ZNF529: variants seen among roughly 807,000 people sequenced by gnomAD.
The protein encoded by ZNF529 is zinc finger protein 529.
ZNF529 carries 11 observed loss-of-function variants against 10.1 expected under a neutral mutation model. The ratio of observed to expected loss-of-function variants is 1.09; its 90% CI spans 0.69 to 1.81. The LOEUF (loss-of-function observed/expected upper bound fraction) is 1.81. Ranked by LOEUF, ZNF529 falls within the 40% of genes most tolerant of loss-of-function variation. The pLI, the probability that ZNF529 is intolerant of heterozygous loss-of-function variation, is 0.00. For synonymous variants in ZNF529, 204 were observed against 215.7 expected, an observed-to-expected ratio of 0.95 and a Z score of 0.47; for missense variants, 624 against 666.8, an observed-to-expected ratio of 0.94 and a Z score of 0.71.
chr19:36,585,795 C>T (rs1480334099), intron 2 of ZNF529, among the ~76,000 whole-genome samples: 1 of 152,202 alleles, frequency 6.6e-6, no homozygotes, highest in Middle Eastern at 3.2e-3. Flanking sequence ...TGAGGGGACT[C>T]TGGTTTCTGG....
upstream of ZNF529, chr19:36,573,360 A>C: frequency 2.2e-6 from 1 of 448,734 alleles, no homozygotes; most frequent in South Asian, 1.6e-5. Flanking sequence ...AACGTAGTCC[A>C]ACAACGAAAG....
intron 2 of ZNF529, among the ~76,000 whole-genome samples, chr19:36,579,200 A>T (rs1438430410): frequency 2.3e-5 from 3 of 132,390 alleles, no homozygotes; most frequent in Non-Finnish European, 4.6e-5. Flanking sequence ...GACTCCGTCT[A>T]AAAAAAAAAA....
At chr19:36,556,259 A>AT in intron 2 of ZNF529, 62 bp from the exon 3 acceptor site, 1 of 722,200 alleles carries the variant, frequency 1.4e-6, no homozygotes, top group South Asian at 1.5e-5. Context: ...GGTGCTAGGA[A>AT]TGTACAGCAA....
intron 2 of ZNF529, among the ~76,000 whole-genome samples, chr19:36,571,482 C>T (rs1342023781): frequency 6.6e-6 from 1 of 151,768 alleles, no homozygotes; most frequent in Non-Finnish European, 1.5e-5. Flanking sequence ...CGATACCAGC[C>T]CAGCCAACAT....
intron 2 of ZNF529, among the ~76,000 whole-genome samples, chr19:36,579,532 C>T (rs1047514899): frequency 6.6e-6 from 1 of 152,196 alleles, no homozygotes; most frequent in Non-Finnish European, 1.5e-5. Context: ...TATGGTATAG[C>T]CTATTGCTCC....
Position 36,546,210 on chromosome 19 carries a change from ATG to A in ZNF529, c.*654_*655del, listed in dbSNP as rs2035013566. On this transcript the variant is annotated 3_prime_UTR_variant, in exon 5 of 5. Transcript: ENST00000591340. ...ATCACACATACACTATATACACTAT[ATG>A]TGTATATACACTATATGTATATAGT... 1 of 140,982 alleles carries A rather than the reference ATG, an allele frequency of 7.1e-6. No individual in the cohort carries two copies. Among genetic ancestry groups the A allele is most frequent in the Non-Finnish European group, 1.5e-5 (1 of 65,382 alleles). 8.7% of individuals were successfully genotyped at this position (140,982 alleles called of 1,614,324 possible).
intron 1 of ZNF529, among the ~76,000 whole-genome samples, chr19:36,601,340 G>A (rs1233814587): frequency 3.3e-5 from 5 of 151,884 alleles, no homozygotes; most frequent in Admixed American, 6.6e-5. Flanking sequence ...TCCTGACCTC[G>A]TGATCCGCCT....
Position 36,547,100 on chromosome 19 carries a change from G to A in ZNF529, c.1458C>T (p.Ala486=), listed in dbSNP as rs759955182. ...CTGTAAGGGCTGAACTATGTCTAAA[G>A]GCCTTCCCACATACCTTACATTCAT... ...KPYECKVCGK[A]FRHSSALTEH... Residue 486 remains alanine, a synonymous_variant, in exon 5 of 5, where the codon GCC becomes GCT. Transcript: ENST00000591340. 1 of 1,613,572 alleles carries A rather than the reference G, an allele frequency of 6.2e-7. No homozygotes were observed.
chr19:36,585,244 C>G (rs2036555941), intron 2 of ZNF529, among the ~76,000 whole-genome samples: 1 of 152,188 alleles, frequency 6.6e-6, no homozygotes, highest in Admixed American at 6.5e-5. Context: ...CCCGTTACTA[C>G]CAGTTTAAAG....
intron 2 of ZNF529, among the ~76,000 whole-genome samples, chr19:36,563,804 G>A (rs1356701284): frequency 1.3e-5 from 2 of 152,134 alleles, no homozygotes; most frequent in African/African-American, 4.8e-5. Context: ...CCAAAAAAGG[G>A]TCTGAATAGC....
chr19:36,585,011 A>C (rs1221545043), intron 2 of ZNF529, among the ~76,000 whole-genome samples: 3 of 152,142 alleles, frequency 2.0e-5, no homozygotes, highest in Non-Finnish European at 2.9e-5. Flanking sequence ...GATTAAACAG[A>C]AAGTGGGGAA....
intron 2 of ZNF529, among the ~76,000 whole-genome samples, chr19:36,563,255 A>G (rs1276025347): frequency 6.6e-6 from 1 of 151,966 alleles, no homozygotes. Flanking sequence ...CCCTGTCTAT[A>G]CTAAAAATAC....
At chr19:36,605,505 T>C (rs1375531152), upstream of ZNF529, 2 of 152,394 alleles carry the variant, frequency 1.3e-5, no homozygotes, top group East Asian at 3.9e-4. Context: ...GACCGCGGTA[T>C]CCAGACGCTC....
In ZNF529 at chr19:36,548,206, T is replaced by C. The variant is rs374497350; in HGVS notation, c.352A>G (p.Ile118Val). 9.9e-6 allele frequency: 16 copies of C among 1,613,776 alleles called. No homozygotes were observed. In the African/African-American group the frequency reaches 1.7e-4, roughly 18 times the overall value. The stretch of plus-strand genomic sequence containing the variant: ...TTGCTTTGCCAGTCATTTCTGAAAA[T>C]GGAACCTTCAAGGCCACATAACTTG... ...SSKLCGLEGS[I>V]FRNDWQSKSK... is the part of the protein sequence containing the mutation. Residue 118 changes from isoleucine (I) to valine (V), a missense_variant, in exon 5 of 5, where the codon ATT becomes GTT. Coordinates refer to ENST00000591340, the MANE Select transcript of ZNF529 (RefSeq NM_020951.5).
chr19:36,561,312 CACATGGTA>C (rs1367284811), intron 2 of ZNF529, among the ~76,000 whole-genome samples: 1 of 152,082 alleles, frequency 6.6e-6, no homozygotes, highest in Non-Finnish European at 1.5e-5. Flanking sequence ...CCTCAGCATC[CACATGGTA>C]CTGATTTTGC....
rs2034983935 is a variant in ZNF529, at chr19:36,545,713, AATG to A, written c.*1150_*1152del. 1 of 152,064 alleles carries A rather than the reference AATG, an allele frequency of 6.6e-6. No homozygotes were observed. The highest frequency in any genetic ancestry group is 2.4e-5 in the African/African-American group (1 of 41,440). The allele number at this position is 152,064 out of a possible 1,614,324, so 9.4% of individuals were successfully genotyped here. ...TCTGAGAGGGAATAAAAAGAAAAAT[AATG>A]ATAATAGATTAAAAAAACAATTGAA... On this transcript the variant is annotated 3_prime_UTR_variant, in exon 5 of 5. Transcript: ENST00000591340.
intron 1 of ZNF529, chr19:36,594,040 C>G (rs1490608827): frequency 6.6e-6 from 1 of 152,182 alleles, no homozygotes; most frequent in African/African-American, 2.4e-5. Context: ...GTCCAGACAG[C>G]AAGTTTCTGG....
chr19:36,547,461 T>C lies in ZNF529; in HGVS notation c.1097A>G (p.Tyr366Cys), dbSNP rs375089779. Reference sequence around the variant, plus strand: ...AGCCTTCCCACATTCCTTACATGCATAAGGTTTCTCACCAGTGTGAATTCT... The same window carrying C: ...AGCCTTCCCACATTCCTTACATGCACAAGGTTTCTCACCAGTGTGAATTCT... ...HQRIHTGEKP[Y>C]ACKECGKAFG... The change falls in exon 5 of 5, where the codon TAT becomes TGT. Residue 366 changes from tyrosine to cysteine, a missense_variant. Tyr to Cys is a radical substitution (Grantham distance 194). Transcript: ENST00000591340. The C allele has an allele frequency of 1.1e-5, 17 of 1,613,922 alleles. No homozygotes were observed. The highest frequency in any genetic ancestry group is 1.7e-5 in the Admixed American group (1 of 59,992).
At chr19:36,602,046 G>A (rs957044553) in intron 1 of ZNF529, among the ~76,000 whole-genome samples, 2 of 101,542 alleles carry the variant, frequency 2.0e-5, no homozygotes, top group African/African-American at 7.7e-5. Context: ...GCACCTGAAC[G>A]CTACAATTTT....
Sources: allele counts gnomAD v4.1 joint callset (sites outside exome capture counted in the v4.1 genomes callset), GRCh38; gene constraint gnomAD v4.1.1; transcripts MANE v1.5; gene names NCBI Gene and HGNC (gene_info 2026-07-23, HGNC 2026-07-21).